LIPF: variants seen among roughly 807,000 people sequenced by gnomAD.
LIPF encodes the protein gastric triacylglycerol lipase.
LIPF carries 25 observed loss-of-function variants against 38.0 expected under a neutral mutation model. The ratio of observed to expected loss-of-function variants is 0.66; its 90% CI spans 0.48 to 0.92. LIPF has a LOEUF of 0.92. LIPF is among the 40% of genes least tolerant of loss of function. The probability of loss-of-function intolerance (pLI) is 0.00; values close to 1 mark genes in which losing one functional copy is unlikely to be tolerated. For synonymous variants in LIPF, 161 were observed against 156.2 expected, an observed-to-expected ratio of 1.03 and a Z score of -0.23; for missense variants, 410 against 469.9, an observed-to-expected ratio of 0.87 and a Z score of 1.18.
In LIPF at chr10:88,678,529, C is replaced by A; in HGVS notation, c.1045C>A (p.Gln349Lys). 6.2e-7 allele frequency: 1 copy of A among 1,614,024 alleles called. No homozygotes were observed. Among genetic ancestry groups the A allele is most frequent in the Non-Finnish European group, 8.5e-7 (1 of 1,179,942 alleles). ...NGGKDLLADP[Q>K]DVGLLLPKLP... Reference sequence around the variant, plus strand: ...TGGCAAGGACCTGTTGGCTGACCCCCAAGATGTTGGCCTTTTGCTTCCAAA... The same window carrying A: ...TGGCAAGGACCTGTTGGCTGACCCCAAAGATGTTGGCCTTTTGCTTCCAAA... Residue 349 changes from glutamine (Q) to lysine (K), a missense_variant, in exon 10 of 10, where the codon CAA becomes AAA. Transcript: ENST00000238983.
At chr10:88,672,664 A>T (rs201722041) in intron 6 of LIPF, among the ~76,000 whole-genome samples, 1,972 of 122,938 alleles carry the variant, frequency 0.016, 39 homozygotes, top group Middle Eastern at 0.073. Context: ...ACACACACAC[A>T]CACACACTCT....
At chr10:88,669,102 G>T (rs1841557048) in intron 4 of LIPF, 2 of 198,080 alleles carry the variant, frequency 1.0e-5, no homozygotes, top group South Asian at 2.3e-4. Context: ...AGGGGTAGGA[G>T]AACAGCAATC....
intron 1 of LIPF, chr10:88,665,558 C>G (rs1564955774): frequency 1.3e-6 from 2 of 1,534,794 alleles, no homozygotes. Context: ...CCAACGCAAA[C>G]AGTAGGTTAA....
intron 9 of LIPF, 38 bp downstream of exon 9, chr10:88,676,318 C>A: frequency 3.4e-6 from 4 of 1,192,570 alleles, no homozygotes; most frequent in East Asian, 4.7e-5. Flanking sequence ...ACATTTTGAA[C>A]AACAATACTA....
chr10:88,665,516 C>T, intron 1 of LIPF: 1 of 1,533,414 alleles, frequency 6.5e-7, no homozygotes, highest in Non-Finnish European at 8.7e-7. Context: ...TTATTCTGCC[C>T]TTGAACATCT....
chr10:88,667,149 G>A, intron 1 of LIPF, 138 bp from the exon 2 acceptor site: 1 of 550,984 alleles, frequency 1.8e-6, no homozygotes, highest in Non-Finnish European at 3.2e-6. Context: ...ACATCCATAT[G>A]TCTCATTTTA....
chr10:88,677,470 T>G (rs192788698), intron 9 of LIPF, among the ~76,000 whole-genome samples: 10 of 152,328 alleles, frequency 6.6e-5, no homozygotes, highest in Admixed American at 6.5e-4. Context: ...AGGGCCAGCA[T>G]CTAGAAAACT....
At chr10:88,671,314 G>A (rs1181806254) in intron 5 of LIPF, among the ~76,000 whole-genome samples, 4 of 152,084 alleles carry the variant, frequency 2.6e-5, no homozygotes, top group African/African-American at 9.7e-5. Flanking sequence ...GTATTTCAGA[G>A]AGGGAAACAG....
At chr10:88,665,834 C>T (rs549560967) in intron 1 of LIPF, among the ~76,000 whole-genome samples, 1 of 149,952 alleles carries the variant, frequency 6.7e-6, no homozygotes, top group African/African-American at 2.5e-5. Context: ...ACCTCCGCCT[C>T]CTCGGTTCAA....
At chr10:88,677,190 A>G (rs754286818) in intron 9 of LIPF, among the ~76,000 whole-genome samples, 5 of 152,140 alleles carry the variant, frequency 3.3e-5, no homozygotes, top group Non-Finnish European at 5.9e-5. Flanking sequence ...TTGATTTTGC[A>G]TTTTTGATAT....
intron 7 of LIPF, among the ~76,000 whole-genome samples, chr10:88,674,034 A>G (rs1416145669): frequency 6.6e-6 from 1 of 152,224 alleles, no homozygotes; most frequent in Non-Finnish European, 1.5e-5. Flanking sequence ...GGACTGAACC[A>G]TATATTTTAG....
intron 7 of LIPF, 63 bp from the exon 8 acceptor site, chr10:88,675,523 G>A: frequency 2.4e-6 from 3 of 1,233,142 alleles, no homozygotes; most frequent in Admixed American, 1.8e-5. Context: ...AATCTTTACT[G>A]TTTTTAAGAA....
At chr10:88,673,034 A>G (rs574170667) in intron 6 of LIPF, among the ~76,000 whole-genome samples, 1 of 152,302 alleles carries the variant, frequency 6.6e-6, no homozygotes, top group South Asian at 2.1e-4. Context: ...AGCTCTAATT[A>G]GCCCAAGACC....
chr10:88,673,760 T>G (rs1841641886), intron 7 of LIPF, 26 bp downstream of exon 7: 1 of 1,587,960 alleles, frequency 6.3e-7, no homozygotes, highest in South Asian at 1.1e-5. Flanking sequence ...AATTTCTATA[T>G]TTTGAGCAAC....
At chr10:88,668,465 T>C in intron 3 of LIPF, 93 bp from the exon 4 acceptor site, 1 of 1,018,160 alleles carries the variant, frequency 9.8e-7, no homozygotes, top group South Asian at 1.6e-5. Flanking sequence ...CAAATGTATT[T>C]AGTGCTAGTC....
rs2234966 is a variant in LIPF at position 88,678,594 on chromosome 10, C to T, written c.1110C>T (p.Tyr370=). The change falls in exon 10 of 10, where the codon TAC becomes TAT. Residue 370 remains tyrosine (Y), a synonymous_variant. Coordinates refer to ENST00000238983, the MANE Select transcript of LIPF (RefSeq NM_004190.4). ...NLIYHKEIPF[Y]NHLDFIWAMD... ...TTTACCACAAGGAGATTCCTTTTTA[C>T]AATCACTTGGACTTTATCTGGGCAA... The T allele has an allele frequency of 6.2e-7, 1 of 1,613,964 alleles. No homozygotes were observed. The highest frequency in any genetic ancestry group is 8.5e-7 in the Non-Finnish European group (1 of 1,179,852).
intron 5 of LIPF, among the ~76,000 whole-genome samples, chr10:88,670,430 C>T (rs1431070018): frequency 1.3e-5 from 2 of 151,956 alleles, no homozygotes; most frequent in Non-Finnish European, 2.9e-5. Context: ...GAAAATAACC[C>T]AGGGAATTAC....
chr10:88,674,055 TGTGAGAAAAATGTCTAGATATTGAATA>T (rs1476355622), intron 7 of LIPF, among the ~76,000 whole-genome samples: 1 of 152,254 alleles, frequency 6.6e-6, no homozygotes, highest in Non-Finnish European at 1.5e-5. Context: ...CAGGCTCCTT[TGTGAGAAAAATGTCTAGATATTGAATA>T]AATGTTTTCA....
Position 88,676,231 on chromosome 10 carries a change from A to C in LIPF, c.911A>C (p.Gln304Pro). The change falls in exon 9 of 10, where the codon CAA (glutamine) becomes CCA (proline). Residue 304 changes from glutamine to proline, a missense_variant. Transcript: ENST00000238983. ...WTQAVKSGKF[Q>P]AYDWGSPVQN... The stretch of plus-strand genomic sequence containing the variant: ...TAGGCTGTTAAGTCTGGGAAATTCC[A>C]AGCTTATGACTGGGGAAGCCCAGTT... 1 of 1,608,050 alleles carries C rather than the reference A, an allele frequency of 6.2e-7. No individual in the cohort carries two copies. The highest frequency in any genetic ancestry group is 1.1e-5 in the South Asian group (1 of 90,264).
Sources: allele counts gnomAD v4.1 joint callset (sites outside exome capture counted in the v4.1 genomes callset), GRCh38; gene constraint gnomAD v4.1.1; transcripts MANE v1.5; gene names NCBI Gene and HGNC (gene_info 2026-07-23, HGNC 2026-07-21).